LEKR1: variants seen among roughly 807,000 people sequenced by gnomAD.
LEKR1 encodes the protein protein LEKR1.
Under a neutral mutation model 72.4 loss-of-function variants are expected in LEKR1, and 59 were observed. That is an observed-to-expected ratio of 0.82 (90% CI 0.66 to 1.01). The LOEUF is 1.01. LEKR1 is among the 50% of genes least tolerant of loss of function. The pLI, the probability that LEKR1 is intolerant of heterozygous loss-of-function variation, is 0.00. For synonymous variants in LEKR1, 257 were observed against 263.2 expected (o/e 0.98, Z 0.23); for missense variants, 728 against 759.2 (o/e 0.96, Z 0.48).
intron 6 of LEKR1, among the ~76,000 whole-genome samples, chr3:156,962,872 A>G (rs947565857): frequency 1.3e-5 from 2 of 151,700 alleles, no homozygotes; most frequent in African/African-American, 4.8e-5. Context: ...CTCCAACATC[A>G]TTTTCTTATT....
chr3:156,969,727 A>G (rs1233009310), intron 6 of LEKR1, among the ~76,000 whole-genome samples: 2 of 152,234 alleles, frequency 1.3e-5, no homozygotes, highest in Non-Finnish European at 2.9e-5. Context: ...TTCTGAAACT[A>G]TTCCAATCAA....
intron 6 of LEKR1, among the ~76,000 whole-genome samples, chr3:156,966,633 G>A (rs1329889993): frequency 6.6e-6 from 1 of 152,188 alleles, no homozygotes; most frequent in Non-Finnish European, 1.5e-5. Context: ...CAGCCAGGAA[G>A]CTCAAACTGA....
intron 2 of LEKR1, among the ~76,000 whole-genome samples, chr3:156,831,556 T>G (rs1712403533): frequency 6.6e-6 from 1 of 152,168 alleles, no homozygotes; most frequent in South Asian, 2.1e-4. Context: ...GGAAAGAGGT[T>G]TAATTGGCTC....
chr3:156,870,931 T>C (rs1302405340), intron 3 of LEKR1, among the ~76,000 whole-genome samples: 1 of 152,090 alleles, frequency 6.6e-6, no homozygotes, highest in Non-Finnish European at 1.5e-5. Context: ...GAGATAATCA[T>C]ATGTTTTATG....
intron 7 of LEKR1, among the ~76,000 whole-genome samples, chr3:156,990,799 C>G (rs183650790): frequency 6.6e-6 from 1 of 152,266 alleles, no homozygotes; most frequent in African/African-American, 2.4e-5. Context: ...TCTGGCATCA[C>G]AAAATATTTC....
At chr3:156,853,074 A>G in intron 3 of LEKR1, 92 bp downstream of exon 3, 1 of 757,162 alleles carries the variant, frequency 1.3e-6, no homozygotes. Flanking sequence ...AAATTTCTCT[A>G]CATCAGGTAT....
chr3:156,917,942 G>C (rs1723806819), intron 3 of LEKR1, among the ~76,000 whole-genome samples: 3 of 152,082 alleles, frequency 2.0e-5, no homozygotes, highest in Admixed American at 2.0e-4. Context: ...TCCTGGTAAA[G>C]AAATGATTTG....
chr3:156,830,834 G>C (rs1234333204), intron 2 of LEKR1, among the ~76,000 whole-genome samples: 1 of 152,090 alleles, frequency 6.6e-6, no homozygotes, highest in Non-Finnish European at 1.5e-5. Flanking sequence ...AAGAGGTTTG[G>C]CATAAAAAAG....
intron 3 of LEKR1, among the ~76,000 whole-genome samples, chr3:156,856,991 A>T (rs1056678094): frequency 7.9e-5 from 12 of 152,026 alleles, no homozygotes; most frequent in Non-Finnish European, 1.5e-4. Flanking sequence ...ATTTATTTCT[A>T]ATGTAATGCA....
chr3:156,849,141 T>C (rs1180688060), intron 2 of LEKR1, among the ~76,000 whole-genome samples: 2 of 151,996 alleles, frequency 1.3e-5, no homozygotes, highest in African/African-American at 4.8e-5. Context: ...AAATCATGAG[T>C]GAACTCCCAT....
intron 12 of LEKR1, among the ~76,000 whole-genome samples, chr3:157,043,026 G>T (rs1207057256): frequency 6.6e-6 from 1 of 152,134 alleles, no homozygotes; most frequent in Non-Finnish European, 1.5e-5. Flanking sequence ...TCCTGTTGGT[G>T]CTGTTCTTGT....
chr3:156,961,282 TCA>T (rs1728109919), intron 6 of LEKR1, among the ~76,000 whole-genome samples: 1 of 152,220 alleles, frequency 6.6e-6, no homozygotes, highest in Non-Finnish European at 1.5e-5. Context: ...GAGATAAAAT[TCA>T]CAAATTACAA....
Position 156,950,900 on chromosome 3 carries a change from T to C in LEKR1, c.745+8186T>C, listed in dbSNP as rs115223071. 4.2e-3 allele frequency among the ~76,000 whole-genome samples: 645 copies of C among 151,838 alleles called. 9 individuals are homozygous for C. Among genetic ancestry groups the C allele is most frequent in the African/African-American group, 0.015 (623 of 41,506 alleles). ...TGCTCTGGCTTAGGACTTCCAATGC[T>C]ATATCGAGTAGGAGTGGTGAAAGAG... On this transcript the variant is annotated intron_variant, in intron 6 of 12. Coordinates refer to ENST00000356539, the MANE Select transcript of LEKR1 (RefSeq NM_001004316.3).
intron 2 of LEKR1, among the ~76,000 whole-genome samples, chr3:156,832,280 G>A (rs932090381): frequency 4.6e-5 from 7 of 152,174 alleles, no homozygotes; most frequent in Non-Finnish European, 1.5e-5. Flanking sequence ...AGCCTTAAGG[G>A]ATACAGGTGA....
intron 9 of LEKR1, among the ~76,000 whole-genome samples, chr3:156,995,705 G>A (rs1245302158): frequency 6.6e-6 from 1 of 152,144 alleles, no homozygotes; most frequent in Non-Finnish European, 1.5e-5. Context: ...GGGGGCTCAT[G>A]CCTATAATCC....
chr3:156,860,203 A>G (rs566105359), intron 3 of LEKR1, among the ~76,000 whole-genome samples: 1 of 152,318 alleles, frequency 6.6e-6, no homozygotes, highest in South Asian at 2.1e-4. Flanking sequence ...CAAATTAAAT[A>G]TTATTTTGAG....
At chr3:156,848,026 G>C (rs1302904027) in intron 2 of LEKR1, among the ~76,000 whole-genome samples, 1 of 152,186 alleles carries the variant, frequency 6.6e-6, no homozygotes, top group Non-Finnish European at 1.5e-5. Flanking sequence ...TTAGAATAAA[G>C]ATAGGACACT....
At chr3:157,003,704 C>T (rs1405824787) in intron 9 of LEKR1, among the ~76,000 whole-genome samples, 1 of 152,174 alleles carries the variant, frequency 6.6e-6, no homozygotes, top group Non-Finnish European at 1.5e-5. Context: ...AGTCCCTTTT[C>T]CCATATAAGG....
rs1314626766 is a variant in LEKR1, at chr3:156,942,540, C to T, written c.571C>T (p.Leu191=). ...AATTCTTCTTACAGAAATAGACATA[C>T]TGAATAAAAGTTTGACAGTATCCCA... ...SETALTEIDI[L]NKSLTVSQRN... Residue 191 remains leucine (L), a synonymous_variant, in exon 6 of 13, where the codon CTG becomes TTG. Transcript: ENST00000356539. 2 of 1,194,668 alleles carry T rather than the reference C, an allele frequency of 1.7e-6. No homozygotes were observed. Among genetic ancestry groups the T allele is most frequent in the Non-Finnish European group, 2.2e-6 (2 of 918,072 alleles). 74.0% of individuals were successfully genotyped at this position (1,194,668 alleles called of 1,614,324 possible).
Sources: allele counts gnomAD v4.1 joint callset (sites outside exome capture counted in the v4.1 genomes callset), GRCh38; gene constraint gnomAD v4.1.1; transcripts MANE v1.5; gene names NCBI Gene and HGNC (gene_info 2026-07-23, HGNC 2026-07-21).